DNAH9: variants seen among roughly 807,000 people sequenced by gnomAD.
DNAH9 encodes DNAH9 variant protein.
In DNAH9, 345 loss-of-function variants were observed where a neutral mutation model predicts 471.6. The observed-to-expected ratio is 0.73, with a 90% CI of 0.67 to 0.80. The LOEUF is 0.80. DNAH9 is among the 30% of genes least tolerant of loss of function. DNAH9 has a pLI of 0.00. For synonymous variants in DNAH9, 2,093 were observed against 2,123.6 expected (o/e 0.99, Z 0.40); for missense variants, 5,407 against 5,609.2 (o/e 0.96, Z 1.15).
At chr17:11,808,681 T>C (rs1969779670) in intron 44 of DNAH9, among the ~76,000 whole-genome samples, 1 of 152,190 alleles carries the variant, frequency 6.6e-6, no homozygotes, top group Non-Finnish European at 1.5e-5. Flanking sequence ...GACATGATAG[T>C]GTGATAGGAA....
chr17:11,845,162 G>A (rs567435814), intron 49 of DNAH9, among the ~76,000 whole-genome samples: 6 of 44,996 alleles, frequency 1.3e-4, no homozygotes, highest in African/African-American at 2.4e-4. Context: ...CCCCTCCCCC[G>A]ACCCCACAAC....
At chr17:11,678,616 G>A (rs1042000503) in intron 17 of DNAH9, among the ~76,000 whole-genome samples, 2 of 152,106 alleles carry the variant, frequency 1.3e-5, no homozygotes, top group Non-Finnish European at 2.9e-5. Context: ...TATGTGTGCT[G>A]TCGTTGTTTT....
chr17:11,617,222 C>G (rs545117766), intron 4 of DNAH9, among the ~76,000 whole-genome samples, 189 bp from the exon 5 acceptor site: 1 of 152,260 alleles, frequency 6.6e-6, no homozygotes, highest in South Asian at 2.1e-4. Context: ...CAGAACTCTT[C>G]AGATCATTAT....
At chr17:11,854,549 A>C in intron 50 of DNAH9, 121 bp downstream of exon 50, 2 of 1,257,560 alleles carry the variant, frequency 1.6e-6, no homozygotes, top group Non-Finnish European at 2.2e-6. Context: ...CCACATTTTC[A>C]TGCAAAATCT....
intron 68 of DNAH9, among the ~76,000 whole-genome samples, chr17:11,968,571 T>A (rs1976929137): frequency 6.6e-6 from 1 of 152,252 alleles, no homozygotes; most frequent in Non-Finnish European, 1.5e-5. Flanking sequence ...CTGTTTTCTT[T>A]ATTGCTAGGA....
At chr17:11,963,878 TC>T in intron 68 of DNAH9, among the ~76,000 whole-genome samples, 1 of 152,100 alleles carries the variant, frequency 6.6e-6, no homozygotes, top group South Asian at 2.1e-4. Context: ...AGAAGAGAAT[TC>T]CCTATGAAGA....
At chr17:11,681,533 A>C (rs2074133567) in intron 19 of DNAH9, among the ~76,000 whole-genome samples, 1 of 152,170 alleles carries the variant, frequency 6.6e-6, no homozygotes, top group Admixed American at 6.5e-5. Flanking sequence ...CAGGAGGCCA[A>C]GCTGGAGCTC....
intron 1 of DNAH9, among the ~76,000 whole-genome samples, chr17:11,600,430 A>C (rs1184095874): frequency 3.9e-5 from 6 of 152,216 alleles, no homozygotes; most frequent in African/African-American, 1.4e-4. Context: ...TGTGGGAGAC[A>C]GAAGGCCCAT....
At chr17:11,964,930 G>GT (rs1277113213) in intron 68 of DNAH9, among the ~76,000 whole-genome samples, 5 of 152,088 alleles carry the variant, frequency 3.3e-5, no homozygotes, top group Non-Finnish European at 7.4e-5. Flanking sequence ...TCTCACCTGA[G>GT]TTGGAACTCA....
chr17:11,861,705 A>G (rs1971854633), intron 50 of DNAH9, among the ~76,000 whole-genome samples: 1 of 152,066 alleles, frequency 6.6e-6, no homozygotes, highest in Admixed American at 6.5e-5. Context: ...TGACTTTTTA[A>G]TGATTGCCAT....
intron 49 of DNAH9, among the ~76,000 whole-genome samples, chr17:11,850,650 C>A (rs1159548888): frequency 9.0e-4 from 125 of 139,618 alleles, no homozygotes; most frequent in East Asian, 1.6e-3. Context: ...GACTCCATGT[C>A]AAAAAAAAAA....
At chr17:11,712,659 T>G (rs1001344735) in intron 26 of DNAH9, among the ~76,000 whole-genome samples, 89 of 152,262 alleles carry the variant, frequency 5.8e-4, no homozygotes, top group African/African-American at 2.0e-3. Context: ...TAATTCGCAT[T>G]TTTCTAATGA....
chr17:11,851,149 C>T (rs1391811467), intron 49 of DNAH9, among the ~76,000 whole-genome samples: 6 of 151,324 alleles, frequency 4.0e-5, no homozygotes, highest in Non-Finnish European at 8.8e-5. Context: ...TCATTCTTGT[C>T]ACCCAGGCTG....
intron 3 of DNAH9, among the ~76,000 whole-genome samples, chr17:11,610,951 G>T (rs955800611): frequency 6.6e-6 from 1 of 152,144 alleles, no homozygotes. Flanking sequence ...GTTTTGGGGA[G>T]TTGGCTGCAG....
Position 11,892,039 on chromosome 17 carries a change from T to C in DNAH9, c.11283+92T>C. On this transcript the variant is annotated intron_variant, in intron 58 of 68. Transcript: ENST00000262442. The surrounding 1 kb of genome is among the most constrained non-coding windows in gnomAD (Gnocchi z 4.3). Reference sequence around the variant, plus strand: ...GAAACTTTCTTCTTTGAACATCACTTTCCACAGCATGTCCAGACTATCTGT... The same window carrying C: ...GAAACTTTCTTCTTTGAACATCACTCTCCACAGCATGTCCAGACTATCTGT... The C allele has an allele frequency of 7.1e-7, 1 of 1,407,294 alleles. No individual in the cohort carries two copies. The allele number at this position is 1,407,294 out of a possible 1,614,324, so 87.2% of individuals were successfully genotyped here. A position where few individuals can be genotyped will look rare whatever the true frequency, so the allele number is the denominator to read the frequency against.
At chr17:11,921,987 CA>C (rs1466723078) in intron 61 of DNAH9, among the ~76,000 whole-genome samples, 2 of 152,118 alleles carry the variant, frequency 1.3e-5, no homozygotes, top group East Asian at 3.8e-4. Context: ...CTAAAAGTCC[CA>C]ACACTTTTTA....
chr17:11,824,178 C>T (rs11867425), intron 48 of DNAH9, among the ~76,000 whole-genome samples: 10,831 of 152,038 alleles, frequency 0.071, 1,287 homozygotes, highest in African/African-American at 0.25. Context: ...ATTAAGGTGG[C>T]GAAATTTCAT....
chr17:11,720,400 T>G (rs777322927), intron 27 of DNAH9, among the ~76,000 whole-genome samples: 1 of 152,032 alleles, frequency 6.6e-6, no homozygotes, highest in Non-Finnish European at 1.5e-5. Flanking sequence ...CCTCCCCGCT[T>G]CCCCCACCCC....
intron 48 of DNAH9, among the ~76,000 whole-genome samples, chr17:11,831,291 G>C (rs775830590): frequency 2.0e-5 from 3 of 152,170 alleles, no homozygotes; most frequent in Non-Finnish European, 4.4e-5. Flanking sequence ...TGGTGGAAGG[G>C]AAAGTGGAGC....
Sources: gnomAD v4.1 joint callset for allele counts (sites outside exome capture counted in the v4.1 genomes callset) on GRCh38, gnomAD v4.1.1 for gene constraint, Gnocchi (gnomAD v3.1) non-coding constraint, MANE v1.5 for transcripts, NCBI Gene and HGNC (gene_info 2026-07-23, HGNC 2026-07-21) for gene names.